The following HDAC8 variants were observed in gnomAD, a reference collection of about 807,000 sequenced individuals.
HDAC8 encodes histone deacetylase-like 1.
HDAC8 carries 1 observed loss-of-function variant against 32.2 expected under a neutral mutation model. The observed-to-expected ratio is 0.03, with a 90% CI of 0.01 to 0.15. The LOEUF (loss-of-function observed/expected upper bound fraction) is 0.15, where lower values mean the gene tolerates loss of function less well. Ranked by LOEUF, HDAC8 falls within the 10% of genes least tolerant of loss-of-function variation. HDAC8 has a pLI of 1.00. For missense variants in HDAC8, 117 were observed against 300.0 expected (o/e 0.39, Z 4.51); for synonymous variants, 108 against 113.9 (o/e 0.95, Z 0.33).
intron 10 of HDAC8, among the ~76,000 whole-genome samples, chrX:72,349,178 G>A (rs1555947948): frequency 8.9e-6 from 1 of 112,395 alleles, no homozygotes; most frequent in African/African-American, 3.2e-5. Context: ...CCTTTGCACT[G>A]TGACAGATAT....
At chrX:72,480,384 A>G (rs1335729639) in intron 7 of HDAC8, 4 of 329,397 alleles carry the variant, frequency 1.2e-5, no homozygotes, top group Non-Finnish European at 2.4e-5. Context: ...GCTTGTGCTC[A>G]TGCTGCTGTA....
intron 8 of HDAC8, among the ~76,000 whole-genome samples, chrX:72,463,506 C>T (rs1032629288): frequency 2.7e-5 from 3 of 112,020 alleles, no homozygotes; most frequent in East Asian, 2.8e-4. Flanking sequence ...GTCTCTTCCC[C>T]CTCCTTAGCT....
intron 10 of HDAC8, among the ~76,000 whole-genome samples, chrX:72,349,408 A>G (rs1280762323): frequency 8.9e-6 from 1 of 112,417 alleles, no homozygotes; most frequent in African/African-American, 3.2e-5. Flanking sequence ...AGTTGACTCA[A>G]ATCCCTAATT....
chrX:72,546,306 C>A (rs1364591108), intron 4 of HDAC8, among the ~76,000 whole-genome samples: 1 of 111,469 alleles, frequency 9.0e-6, no homozygotes, highest in Non-Finnish European at 1.9e-5. Flanking sequence ...GGGGACCTAA[C>A]TGGCATAGAT....
At chrX:72,557,673 C>A (rs1388795904) in intron 4 of HDAC8, among the ~76,000 whole-genome samples, 1 of 111,007 alleles carries the variant, frequency 9.0e-6, no homozygotes, top group Non-Finnish European at 1.9e-5. Context: ...CCTCATGAAA[C>A]TGGAGAAACA....
intron 9 of HDAC8, among the ~76,000 whole-genome samples, chrX:72,386,560 T>C (rs1216939427): frequency 8.9e-6 from 1 of 111,956 alleles, no homozygotes; most frequent in African/African-American, 3.3e-5. Context: ...TAAAAAATAG[T>C]ATCAGCTAAT....
chrX:72,559,097 C>G (rs2051400039), intron 4 of HDAC8, among the ~76,000 whole-genome samples: 1 of 81,280 alleles, frequency 1.2e-5, no homozygotes, highest in African/African-American at 4.6e-5. Context: ...CTCCCTCTCT[C>G]TCCACGGTCT....
intron 4 of HDAC8, among the ~76,000 whole-genome samples, chrX:72,564,117 A>G: frequency 9.0e-6 from 1 of 111,538 alleles, no homozygotes. Context: ...CCGAGATCAC[A>G]CCATTGCACT....
intron 9 of HDAC8, among the ~76,000 whole-genome samples, chrX:72,424,570 G>A (rs1006862900): frequency 4.5e-5 from 5 of 111,217 alleles, no homozygotes; most frequent in Non-Finnish European, 9.4e-5. Flanking sequence ...ACTCCTTGTT[G>A]AAATTTTTAA....
chrX:72,403,363 T>A (rs782376460), intron 9 of HDAC8, among the ~76,000 whole-genome samples: 1 of 112,114 alleles, frequency 8.9e-6, no homozygotes. Context: ...CTTACTAGTA[T>A]CTACTTCAGA....
intron 4 of HDAC8, among the ~76,000 whole-genome samples, chrX:72,520,407 A>G (rs1259923759): frequency 5.4e-5 from 6 of 112,052 alleles, no homozygotes; most frequent in African/African-American, 1.9e-4. Flanking sequence ...TTTTATTTTG[A>G]AAAATTTCAA....
At chrX:72,406,145 G>T (rs1167796320) in intron 9 of HDAC8, among the ~76,000 whole-genome samples, 1 of 111,675 alleles carries the variant, frequency 9.0e-6, no homozygotes, top group Non-Finnish European at 1.9e-5. Context: ...TTTCCATGAG[G>T]TCTGGGAGGG....
intron 10 of HDAC8, among the ~76,000 whole-genome samples, chrX:72,346,239 T>C (rs1431271929): frequency 9.0e-6 from 1 of 111,584 alleles, no homozygotes; most frequent in African/African-American, 3.3e-5. Flanking sequence ...GATTTTCACC[T>C]GAAGTCATGC....
chrX:72,464,899 T>C (rs2047974432), intron 7 of HDAC8, among the ~76,000 whole-genome samples, 168 bp from the exon 8 acceptor site: 1 of 111,766 alleles, frequency 8.9e-6, no homozygotes, highest in South Asian at 3.7e-4. Flanking sequence ...TCAGACTACA[T>C]GTAAATGATA....
intron 7 of HDAC8, among the ~76,000 whole-genome samples, chrX:72,472,960 T>A: frequency 9.0e-6 from 1 of 111,504 alleles, no homozygotes; most frequent in Non-Finnish European, 1.9e-5. Context: ...ACCACCTTCA[T>A]GGATTACACC....
intron 4 of HDAC8, among the ~76,000 whole-genome samples, chrX:72,536,328 G>T (rs1556039281): frequency 8.9e-6 from 1 of 112,041 alleles, no homozygotes; most frequent in South Asian, 3.8e-4. Context: ...GATAGAAACC[G>T]GGGTAGAAAC....
At chrX:72,447,616 G>C (rs1269239091) in intron 9 of HDAC8, among the ~76,000 whole-genome samples, 2 of 111,437 alleles carry the variant, frequency 1.8e-5, no homozygotes, top group African/African-American at 3.3e-5. Flanking sequence ...AGAAATAAAG[G>C]GTATTCAAAT....
chrX:72,419,044 A>G (rs1162161224), intron 9 of HDAC8, among the ~76,000 whole-genome samples: 1 of 111,775 alleles, frequency 8.9e-6, no homozygotes, highest in East Asian at 2.8e-4. Context: ...ATAGCTTTGT[A>G]TTACGTTTTG....
At chrX:72,501,200 G>A (rs1556015957) in intron 4 of HDAC8, among the ~76,000 whole-genome samples, 2 of 111,690 alleles carry the variant, frequency 1.8e-5, no homozygotes, top group Admixed American at 9.5e-5. Context: ...ACTGCTCAAG[G>A]CAACTTACAG....
Sources: allele counts gnomAD v4.1 joint callset (sites outside exome capture counted in the v4.1 genomes callset), GRCh38; gene constraint gnomAD v4.1.1; transcripts MANE v1.5; gene names NCBI Gene and HGNC (gene_info 2026-07-23, HGNC 2026-07-21).